HDAC7: variants seen among roughly 807,000 people sequenced by gnomAD.
HDAC7 encodes histone deacetylase 7.
A neutral mutation model predicts 115.5 loss-of-function variants in HDAC7; 26 were observed. The ratio of observed to expected loss-of-function variants is 0.23; its 90% CI spans 0.16 to 0.31. The LOEUF (loss-of-function observed/expected upper bound fraction) is 0.31. Ranked by LOEUF, HDAC7 falls within the 10% of genes least tolerant of loss-of-function variation. HDAC7 has a pLI of 1.00. For synonymous variants in HDAC7, 564 were observed against 550.9 expected (o/e 1.02, Z -0.33); for missense variants, 1,068 against 1,329.0 (o/e 0.80, Z 3.05).
chr12:47,804,233 G>A (rs997525636), intron 1 of HDAC7, among the ~76,000 whole-genome samples: 5 of 152,182 alleles, frequency 3.3e-5, no homozygotes, highest in East Asian at 1.9e-4. Flanking sequence ...TGTTGGCAAC[G>A]GGGCTGCTTC....
At position 47,795,792 on chromosome 12, in the gene HDAC7, C is replaced by T. The variant is rs886902041; in HGVS notation, c.907-25G>A. 17 of 1,515,820 alleles carry T rather than the reference C, an allele frequency of 1.1e-5. No homozygotes were observed. Among genetic ancestry groups the T allele is most frequent in the Admixed American group, 8.3e-5 (4 of 48,152 alleles). 93.9% of individuals were successfully genotyped at this position (1,515,820 alleles called of 1,614,324 possible). A position where few individuals can be genotyped will look rare whatever the true frequency, so the allele number is the denominator to read the frequency against. On this transcript the variant is annotated intron_variant, in intron 9 of 25. Transcript: ENST00000080059. This position sits in a 1 kb window ranked among gnomAD's most constrained non-coding sequence, Gnocchi z 4.3. ...CCTGGGGGAGAGGCGGGAGAAGTCA[C>T]GGGGAAGAAGATTCCAGCAGAGAAC...
At chr12:47,791,554 GGCAT>G in intron 15 of HDAC7, 28 bp downstream of exon 15, 3 of 1,586,374 alleles carry the variant, frequency 1.9e-6, no homozygotes, top group East Asian at 2.3e-5. Flanking sequence ...GAGGTAAGCT[GGCAT>G]GGGGAGACAG....
At chr12:47,804,768 CT>C (rs1461295325) in intron 1 of HDAC7, among the ~76,000 whole-genome samples, 1 of 152,166 alleles carries the variant, frequency 6.6e-6, no homozygotes, top group Non-Finnish European at 1.5e-5. Flanking sequence ...TATGGAGCCC[CT>C]GTTCCAATAG....
intron 2 of HDAC7, among the ~76,000 whole-genome samples, chr12:47,801,543 T>A (rs1029468688): frequency 2.0e-5 from 3 of 152,222 alleles, no homozygotes. Flanking sequence ...CAGCCAGGAC[T>A]GAAGCAAGGA....
In HDAC7 at chr12:47,789,363, A is replaced by G; in HGVS notation, c.2148-15T>C. The G allele has an allele frequency of 6.2e-7, 1 of 1,607,446 alleles. No homozygotes were observed. Among genetic ancestry groups the G allele is most frequent in the African/African-American group, 1.3e-5 (1 of 74,912 alleles). On this transcript the variant is annotated splice_polypyrimidine_tract_variant and intron_variant, in intron 18 of 25. Coordinates refer to ENST00000080059, the MANE Select transcript of HDAC7 (RefSeq NM_015401.5). ...AGCAGAAGCCCCTGGAAGGAGAGAC[A>G]GGTCCTGCCAGCCCATTCTCTCCAC...
At chr12:47,791,528 T>C (rs1943512858) in intron 15 of HDAC7, 58 bp downstream of exon 15, 1 of 1,556,338 alleles carries the variant, frequency 6.4e-7, no homozygotes, top group South Asian at 1.2e-5. Flanking sequence ...GAGACAGGAG[T>C]GCATGGGAGC....
chr12:47,816,380 C>A (rs916033976), intron 1 of HDAC7, among the ~76,000 whole-genome samples: 41 of 152,314 alleles, frequency 2.7e-4, no homozygotes, highest in African/African-American at 9.6e-4. Context: ...TTACCCCACA[C>A]AGGGCCATAA....
At chr12:47,789,133 C>T (rs1943334294) in intron 19 of HDAC7, 128 bp downstream of exon 19, 1 of 767,200 alleles carries the variant, frequency 1.3e-6, no homozygotes, top group Admixed American at 2.1e-5. Flanking sequence ...CCAAATTTTA[C>T]ACAAGGGGAA....
At chr12:47,809,331 G>A (rs1383842357) in intron 1 of HDAC7, among the ~76,000 whole-genome samples, 1 of 152,116 alleles carries the variant, frequency 6.6e-6, no homozygotes, top group Non-Finnish European at 1.5e-5. Context: ...CCAGCTGCAG[G>A]CCGAGCGAGA....
At position 47,795,479 on chromosome 12, in the gene HDAC7, C is replaced by A. The variant is rs1259850877; in HGVS notation, c.1088-99G>T. On this transcript the variant is annotated intron_variant, in intron 10 of 25. Transcript: ENST00000080059. The surrounding 1 kb of genome is among the most constrained non-coding windows in gnomAD (Gnocchi z 4.3). ...GGGGCCAGGGTGCAGCAGGGCAATG[C>A]GCAGGACAGGGGGACAGAGATGGGG... The A allele has an allele frequency of 2.2e-6, 3 of 1,394,774 alleles. No individual in the cohort carries two copies. The highest frequency in any genetic ancestry group is 2.0e-6 in the Non-Finnish European group (2 of 1,012,420). The allele number at this position is 1,394,774 out of a possible 1,614,324, so 86.4% of individuals were successfully genotyped here.
At chr12:47,800,595 G>A (rs753615635) in intron 2 of HDAC7, among the ~76,000 whole-genome samples, 3 of 152,152 alleles carry the variant, frequency 2.0e-5, no homozygotes, top group East Asian at 1.9e-4. Flanking sequence ...ATTCTCATTC[G>A]GGTTGAGTCT....
intron 1 of HDAC7, chr12:47,802,562 A>G: frequency 7.8e-7 from 1 of 1,278,752 alleles, no homozygotes; most frequent in Non-Finnish European, 1.1e-6. Flanking sequence ...CAGCTCACCC[A>G]GCAGTGCCCT....
chr12:47,795,969 C>A lies in HDAC7; in HGVS notation c.843G>T (p.Pro281=). 1 of 1,549,932 alleles carries A rather than the reference C, an allele frequency of 6.5e-7. No homozygotes were observed. The highest frequency in any genetic ancestry group is 1.4e-5 in the African/African-American group (1 of 73,188). ...RLRLQETSVA[P]FALPTVSLLP... ...GCAAGGACACTGTCGGCAAGGCGAA[C>A]GGGGCCACAGAAGTCTCCTGCAGCC... is the stretch of plus-strand genomic sequence containing the variant. The change falls in exon 9 of 26, where the codon CCG becomes CCT. Residue 281 remains proline, a synonymous_variant. Coordinates refer to ENST00000080059, the MANE Select transcript of HDAC7 (RefSeq NM_015401.5). This position sits in a 1 kb window ranked among gnomAD's most constrained non-coding sequence, Gnocchi z 4.3.
chr12:47,807,343 G>A (rs1322351970), intron 1 of HDAC7, among the ~76,000 whole-genome samples: 1 of 152,154 alleles, frequency 6.6e-6, no homozygotes, highest in African/African-American at 2.4e-5. Context: ...GCCAGGAGTT[G>A]TTCTAAGTAC....
chr12:47,808,528 T>A (rs567967658), intron 1 of HDAC7, among the ~76,000 whole-genome samples: 1 of 152,154 alleles, frequency 6.6e-6, no homozygotes, highest in Non-Finnish European at 1.5e-5. Context: ...TGGGCCATTC[T>A]GAGTTGCGTA....
intron 20 of HDAC7, 91 bp downstream of exon 20, chr12:47,787,954 C>T: frequency 1.3e-6 from 2 of 1,581,280 alleles, no homozygotes; most frequent in African/African-American, 1.3e-5. Context: ...AGCAGTCTGC[C>T]CAGGATCACA....
At chr12:47,786,205 C>G (rs1360107364) in intron 22 of HDAC7, among the ~76,000 whole-genome samples, 3 of 152,182 alleles carry the variant, frequency 2.0e-5, no homozygotes, top group Admixed American at 6.5e-5. Flanking sequence ...GTACTCTGGG[C>G]CCTGTGGCCA....
chr12:47,798,298 C>T lies in HDAC7; in HGVS notation c.350-79G>A. ...GGCACTACCTGGCCACTGCCCTGTC[C>T]CCATCCTCAGTAGGAGGCGTCCCAG... On this transcript the variant is annotated intron_variant, in intron 4 of 25. Coordinates refer to ENST00000080059, the MANE Select transcript of HDAC7 (RefSeq NM_015401.5). The surrounding 1 kb of genome is among the most constrained non-coding windows in gnomAD (Gnocchi z 4.3). 8.5e-7 allele frequency: 1 copy of T among 1,182,146 alleles called. No homozygotes were observed. The allele number at this position is 1,182,146 out of a possible 1,614,324, so 73.2% of individuals were successfully genotyped here. A position where few individuals can be genotyped will look rare whatever the true frequency, so the allele number is the denominator to read the frequency against.
intron 1 of HDAC7, among the ~76,000 whole-genome samples, chr12:47,815,385 G>A (rs919661682): frequency 2.6e-5 from 4 of 152,316 alleles, no homozygotes. Flanking sequence ...GGTCTTAGAA[G>A]CCTTGAGTTT....
Sources: gnomAD v4.1 joint callset for allele counts (sites outside exome capture counted in the v4.1 genomes callset) on GRCh38, gnomAD v4.1.1 for gene constraint, Gnocchi (gnomAD v3.1) non-coding constraint, MANE v1.5 for transcripts, NCBI Gene and HGNC (gene_info 2026-07-23, HGNC 2026-07-21) for gene names.